Variants in MANEA observed in about 807,000 individuals in gnomAD.
MANEA encodes the protein mannosidase endo-alpha.
MANEA carries 25 observed loss-of-function variants against 36.8 expected under a neutral mutation model. The observed-to-expected ratio is 0.68, with a 90% CI of 0.50 to 0.95. The LOEUF (loss-of-function observed/expected upper bound fraction) is 0.95, where lower values mean the gene tolerates loss of function less well. Ranked by LOEUF, MANEA falls within the 40% of genes least tolerant of loss-of-function variation. The pLI, the probability that MANEA is intolerant of heterozygous loss-of-function variation, is 0.00. For missense variants in MANEA, 565 were observed against 558.8 expected, an observed-to-expected ratio of 1.01 and a Z score of -0.11; for synonymous variants, 198 against 188.5, an observed-to-expected ratio of 1.05 and a Z score of -0.41.
At chr6:95,600,585 A>G (rs1325308023) in intron 3 of MANEA, among the ~76,000 whole-genome samples, 2 of 152,202 alleles carry the variant, frequency 1.3e-5, no homozygotes, top group African/African-American at 4.8e-5. Context: ...GGAAATTTTA[A>G]TATGTTTAAT....
intron 3 of MANEA, among the ~76,000 whole-genome samples, chr6:95,603,175 A>G (rs1432044218): frequency 2.0e-5 from 3 of 152,078 alleles, no homozygotes; most frequent in African/African-American, 7.2e-5. Flanking sequence ...CAAAAATAGC[A>G]TGCTATTTGT....
chr6:95,591,214 TATC>T (rs1469795197), intron 2 of MANEA, among the ~76,000 whole-genome samples: 4 of 152,330 alleles, frequency 2.6e-5, no homozygotes, highest in African/African-American at 9.6e-5. Context: ...GTATGTCTAA[TATC>T]ATATTCTTTC....
chr6:95,582,300 C>T (rs1043593420), intron 1 of MANEA, among the ~76,000 whole-genome samples: 1 of 150,452 alleles, frequency 6.6e-6, no homozygotes, highest in Non-Finnish European at 1.5e-5. Flanking sequence ...TCTCCTGCCT[C>T]AGCCTCCCGA....
intron 2 of MANEA, among the ~76,000 whole-genome samples, chr6:95,594,183 C>T (rs538075079): frequency 2.6e-5 from 4 of 151,964 alleles, no homozygotes; most frequent in South Asian, 2.1e-4. Flanking sequence ...GTTAAAGGAA[C>T]GAATATTTCT....
intron 2 of MANEA, among the ~76,000 whole-genome samples, chr6:95,594,750 C>A (rs1257276566): frequency 6.6e-6 from 1 of 152,126 alleles, no homozygotes; most frequent in Non-Finnish European, 1.5e-5. Context: ...TTTCTGGTTA[C>A]CTTAAATTAG....
At chr6:95,601,746 C>CTTTTTTTTTTT (rs1769598055) in intron 3 of MANEA, among the ~76,000 whole-genome samples, 1 of 25,298 alleles carries the variant, frequency 4.0e-5, no homozygotes, top group African/African-American at 1.4e-4. Context: ...TTTTTTTTTG[C>CTTTTTTTTTTT]TTAGGATTAT....
At chr6:95,597,033 T>A (rs1165200078) in intron 3 of MANEA, among the ~76,000 whole-genome samples, 187 bp downstream of exon 3, 1 of 151,954 alleles carries the variant, frequency 6.6e-6, no homozygotes, top group Non-Finnish European at 1.5e-5. Context: ...ATTTTAGAGA[T>A]TCTTTACTAT....
chr6:95,581,896 A>G (rs1425293291), intron 1 of MANEA, among the ~76,000 whole-genome samples: 2 of 152,078 alleles, frequency 1.3e-5, no homozygotes, highest in Non-Finnish European at 2.9e-5. Context: ...ATTATGTTCT[A>G]CTTTTAGAAA....
intron 4 of MANEA, 136 bp downstream of exon 4, chr6:95,605,039 T>G: frequency 2.6e-6 from 1 of 386,974 alleles, no homozygotes. Flanking sequence ...AAATTGTTAT[T>G]GTAATGAATG....
intron 1 of MANEA, among the ~76,000 whole-genome samples, chr6:95,578,109 A>G (rs1460674423): frequency 1.3e-5 from 2 of 152,122 alleles, no homozygotes; most frequent in Non-Finnish European, 2.9e-5. Context: ...TCTGGGTGCA[A>G]CGGAAAGGTA....
chr6:95,607,741 AC>A lies in MANEA; in HGVS notation c.*1337del, dbSNP rs1459519617. On this transcript the variant is annotated 3_prime_UTR_variant, in exon 5 of 5. Coordinates refer to ENST00000358812, the MANE Select transcript of MANEA (RefSeq NM_024641.4). ...ACTAAATAAAATGCACTGTATTCTT[AC>A]AGTTAATGTTTATAACTATAGTAAA... is the stretch of plus-strand genomic sequence containing the variant. The A allele has an allele frequency of 6.6e-6, 1 of 151,750 alleles. No individual in the cohort carries two copies. The highest frequency in any genetic ancestry group is 1.9e-4 in the East Asian group (1 of 5,194). 9.4% of individuals were successfully genotyped at this position (151,750 alleles called of 1,614,324 possible).
intron 3 of MANEA, among the ~76,000 whole-genome samples, chr6:95,599,220 C>A (rs1769541763): frequency 6.6e-6 from 1 of 151,958 alleles, no homozygotes; most frequent in South Asian, 2.1e-4. Context: ...AACCAAAGTT[C>A]TTTAGCTTGA....
intron 3 of MANEA, among the ~76,000 whole-genome samples, chr6:95,600,273 T>G (rs915839596): frequency 6.6e-6 from 1 of 152,244 alleles, no homozygotes; most frequent in South Asian, 2.1e-4. Context: ...TTTTCCAAAA[T>G]TTTTAGAACA....
intron 2 of MANEA, among the ~76,000 whole-genome samples, chr6:95,593,349 G>T (rs1407310867): frequency 6.6e-6 from 1 of 152,148 alleles, no homozygotes; most frequent in Non-Finnish European, 1.5e-5. Flanking sequence ...ATGCAATAAA[G>T]AAGCTGAAAT....
chr6:95,591,360 T>A (rs1582223883), intron 2 of MANEA, among the ~76,000 whole-genome samples: 1 of 152,170 alleles, frequency 6.6e-6, no homozygotes, highest in East Asian at 1.9e-4. Flanking sequence ...TTTAGGGGAT[T>A]GTTTTCTTTT....
intron 1 of MANEA, among the ~76,000 whole-genome samples, chr6:95,578,900 C>T (rs1430112572): frequency 1.3e-5 from 2 of 152,130 alleles, no homozygotes; most frequent in Non-Finnish European, 2.9e-5. Flanking sequence ...TTTGATTTGT[C>T]TAATACCTTA....
chr6:95,595,613 G>T (rs1383931687), intron 2 of MANEA, among the ~76,000 whole-genome samples: 1 of 151,802 alleles, frequency 6.6e-6, no homozygotes, highest in East Asian at 1.9e-4. Context: ...CTTCTCTTTT[G>T]GTACCATTAT....
intron 2 of MANEA, chr6:95,587,496 T>C (rs1769311471): frequency 6.4e-6 from 1 of 156,808 alleles, no homozygotes; most frequent in Non-Finnish European, 1.4e-5. Flanking sequence ...GGAGAATAGT[T>C]GTGAGTGTTC....
chr6:95,596,807 A>G lies in MANEA; in HGVS notation c.615A>G (p.Val205=). 6.2e-7 allele frequency: 1 copy of G among 1,605,136 alleles called. No homozygotes were observed. The highest frequency in any genetic ancestry group is 2.2e-5 in the East Asian group (1 of 44,700). The part of the protein sequence containing the change: ...DENGEPTDNL[V]PTILDKAHKY... ...ATGGAGAACCTACTGATAACTTGGTACCCACTATTTTGGATAAAGCTCATA... is the reference window on the plus strand; with the variant it reads ...ATGGAGAACCTACTGATAACTTGGTGCCCACTATTTTGGATAAAGCTCATA... The change falls in exon 3 of 5, where the codon GTA becomes GTG. Residue 205 remains valine (V), a synonymous_variant. Transcript: ENST00000358812.
Sources: gnomAD v4.1 joint callset for allele counts (sites outside exome capture counted in the v4.1 genomes callset) on GRCh38, gnomAD v4.1.1 for gene constraint, MANE v1.5 for transcripts, NCBI Gene and HGNC (gene_info 2026-07-23, HGNC 2026-07-21) for gene names.